The following KANK2 variants were observed in gnomAD, a reference collection of about 807,000 sequenced individuals.
KANK2 encodes KN motif and ankyrin repeat domain-containing protein 2.
Under a neutral mutation model 74.6 loss-of-function variants are expected in KANK2, and 41 were observed. That is an observed-to-expected ratio of 0.55 (90% CI 0.43 to 0.71). KANK2 has a LOEUF of 0.71. KANK2 is among the 30% of genes least tolerant of loss of function. The pLI, the probability that KANK2 is intolerant of heterozygous loss-of-function variation, is 0.00. For synonymous variants in KANK2, 537 were observed against 519.0 expected, an observed-to-expected ratio of 1.03 and a Z score of -0.47; for missense variants, 1,148 against 1,196.4, an observed-to-expected ratio of 0.96 and a Z score of 0.60.
intron 6 of KANK2, among the ~76,000 whole-genome samples, chr19:11,177,093 C>T (rs901739575): frequency 4.1e-4 from 43 of 104,786 alleles, no homozygotes; most frequent in African/African-American, 1.5e-3. Flanking sequence ...ACTCACCCTC[C>T]TTTTTTTTTT....
chr19:11,174,338 C>T (rs2078267314), intron 9 of KANK2, 135 bp downstream of exon 9: 2 of 726,572 alleles, frequency 2.8e-6, no homozygotes, highest in South Asian at 3.4e-5. Context: ...GGTGTTCCCT[C>T]TATTATACTG....
chr19:11,167,345 G>A (rs1436186079), intron 12 of KANK2, among the ~76,000 whole-genome samples: 3 of 151,866 alleles, frequency 2.0e-5, no homozygotes, highest in African/African-American at 2.4e-5. Flanking sequence ...GATTACAGGC[G>A]TGAGCCACCG....
chr19:11,194,099 G>A, intron 3 of KANK2, 57 bp from the exon 4 acceptor site: 2 of 1,517,798 alleles, frequency 1.3e-6, no homozygotes, highest in African/African-American at 1.4e-5. Flanking sequence ...TTCTCAGGGT[G>A]AAGACTGATG....
intron 4 of KANK2, among the ~76,000 whole-genome samples, chr19:11,188,532 T>A (rs999461732): frequency 7.9e-5 from 12 of 150,990 alleles, no homozygotes; most frequent in Middle Eastern, 3.5e-3. Context: ...TTTTTTTTTT[T>A]AATTTAGGCT....
intron 6 of KANK2, among the ~76,000 whole-genome samples, chr19:11,177,870 C>A (rs960534496): frequency 6.6e-6 from 1 of 152,148 alleles, no homozygotes; most frequent in African/African-American, 2.4e-5. Flanking sequence ...GCCAGAAGAG[C>A]CCTCCCCACA....
chr19:11,194,810 A>C, intron 2 of KANK2: 1 of 325,198 alleles, frequency 3.1e-6, no homozygotes. Flanking sequence ...CTGCTTGCAC[A>C]TCTGTCCAGG....
chr19:11,193,206 G>C lies in KANK2; in HGVS notation c.874C>G (p.Leu292Val). The C allele has an allele frequency of 6.2e-7, 1 of 1,609,884 alleles. No homozygotes were observed. Among genetic ancestry groups the C allele is most frequent in the Non-Finnish European group, 8.5e-7 (1 of 1,179,846 alleles). ...AGCGCCTTCTTGAGCTGGGTCTCCA[G>C]CACAGCGACCTTGGCGGCGAGGGCA... ...EAALAAKVAVLETQLKKALQE... is the reference protein window; with the variant it reads ...EAALAAKVAVVETQLKKALQE... The change falls in exon 4 of 13, where the codon CTG becomes GTG. Residue 292 changes from leucine to valine, a missense_variant. Transcript: ENST00000586659. This position sits in a 1 kb window ranked among gnomAD's most constrained non-coding sequence, Gnocchi z 9.6.
chr19:11,174,643 C>T lies in KANK2; in HGVS notation c.1898G>A (p.Arg633His), dbSNP rs140410551. 84 of 1,610,410 alleles carry T rather than the reference C, an allele frequency of 5.2e-5. No homozygotes were observed. Among genetic ancestry groups the T allele is most frequent in the East Asian group, 6.7e-5 (3 of 44,802 alleles). ...CACCAGCTCGGGGTGTGCGTCGCTGCGGCAGGCCAGGCGCAGCCACTCCTG... is the reference window on the plus strand; with the variant it reads ...CACCAGCTCGGGGTGTGCGTCGCTGTGGCAGGCCAGGCGCAGCCACTCCTG... ...VLQEWLRLAC[R>H]SDAHPELVRR... Residue 633 changes from arginine (R) to histidine (H), a missense_variant, in exon 9 of 13, where the codon CGC becomes CAC. Arg to His is a conservative substitution (Grantham distance 29). Coordinates refer to ENST00000586659, the MANE Select transcript of KANK2 (RefSeq NM_001136191.3).
rs774301889 is a variant in KANK2 at position 11,192,785 on chromosome 19, C to G, written c.1249+46G>C. The stretch of plus-strand genomic sequence containing the variant: ...GGATGAGCCATGGGAAGAAAGAGGC[C>G]CCCCCCCCCCAAGCCATTCTCCCCT... On this transcript the variant is annotated intron_variant, in intron 4 of 12. Coordinates refer to ENST00000586659, the MANE Select transcript of KANK2 (RefSeq NM_001136191.3). 109 of 1,285,342 alleles carry G rather than the reference C, an allele frequency of 8.5e-5. 1 individual carries two copies. Among genetic ancestry groups the G allele is most frequent in the East Asian group, 3.5e-4 (12 of 34,514 alleles). 79.6% of individuals were successfully genotyped at this position (1,285,342 alleles called of 1,614,324 possible).
chr19:11,171,151 C>T (rs1397483206), intron 10 of KANK2, among the ~76,000 whole-genome samples: 1 of 152,276 alleles, frequency 6.6e-6, no homozygotes, highest in African/African-American at 2.4e-5. Flanking sequence ...AATCCTGGCA[C>T]TTTGGGAGGC....
rs2078017621 is a variant in KANK2 at position 11,166,100 on chromosome 19, A to G, written c.*458T>C. 1.2e-5 allele frequency: 2 copies of G among 161,122 alleles called. No homozygotes were observed. Among genetic ancestry groups the G allele is most frequent in the African/African-American group, 4.8e-5 (2 of 41,566 alleles). 10.0% of individuals were successfully genotyped at this position (161,122 alleles called of 1,614,324 possible). A position where few individuals can be genotyped will look rare whatever the true frequency, so the allele number is the denominator to read the frequency against. On this transcript the variant is annotated 3_prime_UTR_variant, in exon 13 of 13. Transcript: ENST00000586659. ...AAGGGTGAACCCCAACTGGTGCGTA[A>G]TAACACTTAGGATTAAAATGAAAAT...
intron 4 of KANK2, among the ~76,000 whole-genome samples, chr19:11,189,169 G>C (rs2078766050): frequency 7.8e-6 from 1 of 128,928 alleles, no homozygotes; most frequent in Non-Finnish European, 1.5e-5. Context: ...ACAACTCACT[G>C]TAGCCTCGAC....
chr19:11,195,142 G>A (rs898442325), intron 2 of KANK2: 2 of 152,456 alleles, frequency 1.3e-5, no homozygotes, highest in African/African-American at 4.8e-5. Flanking sequence ...GGGAAAGTTG[G>A]GGAGGCAGCT....
intron 4 of KANK2, among the ~76,000 whole-genome samples, chr19:11,183,881 G>A (rs1311294171): frequency 1.3e-5 from 2 of 151,842 alleles, no homozygotes; most frequent in East Asian, 3.9e-4. Context: ...TTGAACTCCT[G>A]GCCAATTTTT....
chr19:11,182,713 C>T (rs1199010676), intron 4 of KANK2, among the ~76,000 whole-genome samples: 2 of 149,548 alleles, frequency 1.3e-5, no homozygotes, highest in African/African-American at 4.9e-5. Context: ...CATGGTGGCA[C>T]GTGCCTGTAG....
chr19:11,178,067 C>A (rs1202923463), intron 6 of KANK2, among the ~76,000 whole-genome samples: 1 of 152,128 alleles, frequency 6.6e-6, no homozygotes, highest in Non-Finnish European at 1.5e-5. Flanking sequence ...GGGCAGGAAG[C>A]GGCGTCCGGC....
At chr19:11,181,642 C>T (rs1166393689) in intron 4 of KANK2, among the ~76,000 whole-genome samples, 5 of 151,838 alleles carry the variant, frequency 3.3e-5, no homozygotes, top group Non-Finnish European at 7.4e-5. Context: ...GGGACAGTTT[C>T]AGTTTGGAAA....
chr19:11,192,919 T>G lies in KANK2; in HGVS notation c.1161A>C (p.Thr387=), dbSNP rs902031952. 8.1e-6 allele frequency: 13 copies of G among 1,614,012 alleles called. No homozygotes were observed. In the African/African-American group the frequency reaches 1.2e-4, roughly 15 times the overall value. ...PVFRSQEVVE[T]MCPVPAAATS... ...TAGCTGCAGCGGGCACTGGGCACAT[T>G]GTCTCCACCACCTCCTGGCTGCGGA... The change falls in exon 4 of 13, where the codon ACA becomes ACC. Residue 387 remains threonine, a synonymous_variant. Coordinates refer to ENST00000586659, the MANE Select transcript of KANK2 (RefSeq NM_001136191.3).
Position 11,165,567 on chromosome 19 carries a change from TG to T in KANK2, c.*990del, listed in dbSNP as rs2078005672. 6.6e-6 allele frequency: 1 copy of T among 151,932 alleles called. No individual in the cohort carries two copies. Among genetic ancestry groups the T allele is most frequent in the African/African-American group, 2.4e-5 (1 of 41,406 alleles). The allele number at this position is 151,932 out of a possible 1,614,324, so 9.4% of individuals were successfully genotyped here. A position where few individuals can be genotyped will look rare whatever the true frequency, so the allele number is the denominator to read the frequency against. ...GGAAGGGAGGGGTTTCTGGGTAATTTGTCTCTTTTTCTTTTCTTTCTTGAGA... is the reference window on the plus strand; with the variant it reads ...GGAAGGGAGGGGTTTCTGGGTAATTTTCTCTTTTTCTTTTCTTTCTTGAGA... On this transcript the variant is annotated 3_prime_UTR_variant, in exon 13 of 13. Transcript: ENST00000586659.
Sources: allele counts gnomAD v4.1 joint callset (sites outside exome capture counted in the v4.1 genomes callset), GRCh38; gene constraint gnomAD v4.1.1; non-coding constraint Gnocchi (gnomAD v3.1); transcripts MANE v1.5; gene names NCBI Gene and HGNC (gene_info 2026-07-23, HGNC 2026-07-21).